PLCB1: variants seen among roughly 807,000 people sequenced by gnomAD.
PLCB1 encodes 1-phosphatidylinositol 4,5-bisphosphate phosphodiesterase beta-1.
In PLCB1, 46 loss-of-function variants were observed where a neutral mutation model predicts 161.8. The observed-to-expected ratio is 0.28, with a 90% CI of 0.22 to 0.36. The LOEUF (loss-of-function observed/expected upper bound fraction) is 0.36, where lower values mean the gene tolerates loss of function less well. Among genes scored for constraint, PLCB1 ranks in the 10% least tolerant of loss-of-function variants. The pLI, the probability that PLCB1 is intolerant of heterozygous loss-of-function variation, is 1.00. For synonymous variants in PLCB1, 517 were observed against 503.7 expected (o/e 1.03, Z -0.35); for missense variants, 1,016 against 1,472.5 (o/e 0.69, Z 5.07).
chr20:8,463,542 A>G (rs1410296166), intron 3 of PLCB1, among the ~76,000 whole-genome samples: 2 of 152,194 alleles, frequency 1.3e-5, no homozygotes, highest in Admixed American at 6.5e-5. Context: ...TTTTCATCCA[A>G]TAATGCTACT....
chr20:8,454,044 G>A (rs78482321), intron 3 of PLCB1, among the ~76,000 whole-genome samples: 1,754 of 152,154 alleles, frequency 0.012, 12 homozygotes, highest in Non-Finnish European at 0.019. Context: ...GAAGGTGGCC[G>A]TCTACACGTC....
intron 31 of PLCB1, among the ~76,000 whole-genome samples, chr20:8,795,093 G>C (rs7265680): frequency 0.23 from 35,287 of 152,116 alleles, 4,120 homozygotes; most frequent in Middle Eastern, 0.37. Flanking sequence ...CATGTGAGCT[G>C]GGACCTTAAG....
chr20:8,145,130 G>A (rs1299395731), intron 1 of PLCB1, among the ~76,000 whole-genome samples: 2 of 152,178 alleles, frequency 1.3e-5, no homozygotes, highest in Non-Finnish European at 2.9e-5. Flanking sequence ...AGTTTGGGAG[G>A]AAGTGGGAGA....
intron 3 of PLCB1, among the ~76,000 whole-genome samples, chr20:8,596,896 C>G (rs1399592475): frequency 2.0e-5 from 3 of 151,686 alleles, no homozygotes; most frequent in Non-Finnish European, 4.4e-5. Flanking sequence ...TGATTTGGCT[C>G]TCTGTTTGTC....
chr20:8,722,422 G>A lies in PLCB1; in HGVS notation c.1581+1G>A, dbSNP rs774130071. ...CTGTAAAAAATCTTCAATGGATGAG[G>A]TGGGTACTTAGGGCTTCTGGTCCCT... is the stretch of plus-strand genomic sequence containing the variant. On this transcript the variant is annotated splice_donor_variant, in intron 15 of 31. Transcript: ENST00000338037. LOFTEE classifies it high-confidence loss of function. 1.2e-6 allele frequency: 2 copies of A among 1,607,864 alleles called. No homozygotes were observed. The highest frequency in any genetic ancestry group is 1.7e-5 in the Admixed American group (1 of 58,906).
intron 31 of PLCB1, among the ~76,000 whole-genome samples, chr20:8,805,960 A>G (rs1038445246): frequency 6.6e-6 from 1 of 152,138 alleles, no homozygotes; most frequent in African/African-American, 2.4e-5. Flanking sequence ...CACACCACAC[A>G]TGTATACCAA....
At chr20:8,417,069 ATATATTTTTTT>A (rs1979321857) in intron 3 of PLCB1, among the ~76,000 whole-genome samples, 1 of 84,078 alleles carries the variant, frequency 1.2e-5, no homozygotes, top group Admixed American at 1.6e-4. Context: ...ATATATATAT[ATATATTTTTTT>A]TTTTTTTTTT....
intron 2 of PLCB1, among the ~76,000 whole-genome samples, chr20:8,205,577 C>T (rs753644122): frequency 2.6e-5 from 4 of 152,178 alleles, no homozygotes; most frequent in East Asian, 1.9e-4. Context: ...TAAACAATTC[C>T]AATGTATGGC....
Position 8,614,032 on chromosome 20 carries a change from C to A in PLCB1, c.247-14262C>A, listed in dbSNP as rs534519762. 1.1e-4 allele frequency among the ~76,000 whole-genome samples: 16 copies of A among 152,056 alleles called. No individual in the cohort carries two copies. In the South Asian group the frequency reaches 3.3e-3, roughly 32 times the overall value. On this transcript the variant is annotated intron_variant, in intron 3 of 31. Coordinates refer to ENST00000338037, the MANE Select transcript of PLCB1 (RefSeq NM_015192.4). ...TTATAAATCAATAAGAAAATAAATC[C>A]TACTTGAATAGGGGGATTATAGCCT...
intron 2 of PLCB1, among the ~76,000 whole-genome samples, chr20:8,341,545 A>C (rs1419977108): frequency 6.6e-6 from 1 of 152,054 alleles, no homozygotes; most frequent in Non-Finnish European, 1.5e-5. Flanking sequence ...TCAGATCTTC[A>C]TGGGGATGTT....
At chr20:8,524,562 T>C (rs530170175) in intron 3 of PLCB1, among the ~76,000 whole-genome samples, 2 of 152,324 alleles carry the variant, frequency 1.3e-5, no homozygotes, top group East Asian at 1.9e-4. Context: ...TTCTTTTTCC[T>C]TTTTTAAGCA....
At chr20:8,826,080 A>G (rs936209326) in intron 31 of PLCB1, among the ~76,000 whole-genome samples, 40 of 152,168 alleles carry the variant, frequency 2.6e-4, no homozygotes, top group Non-Finnish European at 5.6e-4. Flanking sequence ...CATCTAGAGA[A>G]GTCATGTGGA....
At chr20:8,475,593 A>T (rs1182702659) in intron 3 of PLCB1, among the ~76,000 whole-genome samples, 4 of 152,198 alleles carry the variant, frequency 2.6e-5, no homozygotes, top group African/African-American at 9.7e-5. Context: ...TTTTTTCTAC[A>T]CCTTGTCTTT....
intron 3 of PLCB1, among the ~76,000 whole-genome samples, chr20:8,531,618 T>C (rs1984820220): frequency 1.3e-5 from 2 of 152,100 alleles, no homozygotes; most frequent in Admixed American, 1.3e-4. Flanking sequence ...GCCTACAAAA[T>C]TTCAGCAATG....
intron 2 of PLCB1, among the ~76,000 whole-genome samples, chr20:8,242,986 A>C (rs976011127): frequency 6.6e-6 from 1 of 151,984 alleles, no homozygotes; most frequent in Non-Finnish European, 1.5e-5. Flanking sequence ...AATTTTGGAG[A>C]AAAACAGGAA....
intron 2 of PLCB1, among the ~76,000 whole-genome samples, chr20:8,343,261 A>C (rs886624166): frequency 1.3e-5 from 2 of 152,220 alleles, no homozygotes; most frequent in African/African-American, 4.8e-5. Flanking sequence ...CCACCAAATC[A>C]CACTTTGTAT....
chr20:8,160,249 G>A (rs1164775042), intron 2 of PLCB1, among the ~76,000 whole-genome samples: 1 of 152,130 alleles, frequency 6.6e-6, no homozygotes, highest in Non-Finnish European at 1.5e-5. Flanking sequence ...TCTCTAGGAA[G>A]TTCCAAACTT....
intron 9 of PLCB1, 65 bp downstream of exon 9, chr20:8,658,769 G>C: frequency 7.4e-7 from 1 of 1,359,614 alleles, no homozygotes; most frequent in Non-Finnish European, 1.0e-6. Context: ...CACACGCTGG[G>C]AGTTAGGAAC....
At chr20:8,738,132 T>G (rs1250040019) in intron 20 of PLCB1, among the ~76,000 whole-genome samples, 1 of 152,248 alleles carries the variant, frequency 6.6e-6, no homozygotes, top group African/African-American at 2.4e-5. Flanking sequence ...CTGTGGGAAT[T>G]TACAAATTTA....
Sources: allele counts gnomAD v4.1 joint callset (sites outside exome capture counted in the v4.1 genomes callset), GRCh38; gene constraint gnomAD v4.1.1; transcripts MANE v1.5; gene names NCBI Gene and HGNC (gene_info 2026-07-23, HGNC 2026-07-21).